The following STRN variants were observed in gnomAD, a reference collection of about 807,000 sequenced individuals.
STRN encodes the protein striatin, also known as protein phosphatase 2 regulatory subunit B'''alpha.
A neutral mutation model predicts 96.3 loss-of-function variants in STRN; 53 were observed. The ratio of observed to expected loss-of-function variants is 0.55; its 90% confidence interval spans 0.44 to 0.69. The LOEUF (loss-of-function observed/expected upper bound fraction) is 0.69, where lower values mean the gene tolerates loss of function less well. STRN is among the 30% of genes least tolerant of loss of function. The pLI is 0.00. For missense variants in STRN, 987 were observed against 963.9 expected (o/e 1.02, Z -0.32); for synonymous variants, 428 against 355.9 (o/e 1.20, Z -2.28).
At chr2:36,925,500 G>C (rs746846260) in intron 1 of STRN, among the ~76,000 whole-genome samples, 1 of 152,144 alleles carries the variant, frequency 6.6e-6, no homozygotes, top group Non-Finnish European at 1.5e-5. Context: ...AATATTGCCG[G>C]ATGCGGTGGC....
chr2:36,907,461 T>C (rs1474449955), intron 3 of STRN, among the ~76,000 whole-genome samples: 1 of 151,724 alleles, frequency 6.6e-6, no homozygotes, highest in Admixed American at 6.6e-5. Context: ...GGCAGAAGAA[T>C]CGCTTGAACC....
At chr2:36,888,608 G>A (rs938136037) in intron 7 of STRN, among the ~76,000 whole-genome samples, 1 of 150,310 alleles carries the variant, frequency 6.7e-6, no homozygotes, top group Admixed American at 6.7e-5. Flanking sequence ...GGCTTATCAT[G>A]GCCACTATAT....
At position 36,867,556 on chromosome 2, in the gene STRN, A is replaced by C. The variant is rs72872391; in HGVS notation, c.1547+258T>G. 618 of 262,764 alleles carry C rather than the reference A, an allele frequency of 2.4e-3. 2 individuals are homozygous for C. The highest frequency in any genetic ancestry group is 0.012 in the African/African-American group (566 of 45,814). 16.3% of individuals were successfully genotyped at this position (262,764 alleles called of 1,614,324 possible). ...AAAAAGCTGGAATTTCTAATATTTA[A>C]ACCTAGTTGGCTCTAGTTTAAAGAT... On this transcript the variant is annotated intron_variant, in intron 12 of 17. Transcript: ENST00000263918.
intron 2 of STRN, among the ~76,000 whole-genome samples, chr2:36,917,791 G>A (rs570670684): frequency 1.3e-5 from 2 of 152,042 alleles, no homozygotes; most frequent in South Asian, 4.1e-4. Context: ...TTACACGTAT[G>A]TATGAAATAT....
chr2:36,905,734 TGTAAG>T (rs1264315817), intron 3 of STRN, 116 bp from the exon 4 acceptor site: 2 of 834,448 alleles, frequency 2.4e-6, no homozygotes, highest in Non-Finnish European at 4.0e-6. Context: ...AAACTGCAAC[TGTAAG>T]GTATGTGTTA....
At position 36,899,619 on chromosome 2, in the gene STRN, A is replaced by T. The variant is rs772208230; in HGVS notation, c.699T>A (p.Asn233Lys). 6.1e-5 allele frequency: 98 copies of T among 1,613,488 alleles called. No individual in the cohort carries two copies. Among genetic ancestry groups the T allele is most frequent in the Non-Finnish European group, 8.0e-5 (94 of 1,179,826 alleles). The change falls in exon 6 of 18, where the codon AAT (asparagine) becomes AAA (lysine). Residue 233 changes from asparagine to lysine, a missense_variant. Coordinates refer to ENST00000263918, the MANE Select transcript of STRN (RefSeq NM_003162.4). ...CAGCTGCACTTTCAAGGAATTTGAA[A>T]TTATCCAGCACGGAGGCAGAATCTG... ...ELTDSASVLD[N>K]FKFLESAAAD...
intron 2 of STRN, 113 bp from the exon 3 acceptor site, chr2:36,916,264 C>T: frequency 1.1e-6 from 1 of 876,552 alleles, no homozygotes; most frequent in Non-Finnish European, 1.8e-6. Flanking sequence ...CTAGAACTTT[C>T]AAAGGCTCAT....
intron 6 of STRN, 32 bp downstream of exon 6, chr2:36,899,491 A>C (rs201435891): frequency 2.0e-5 from 32 of 1,588,066 alleles, no homozygotes; most frequent in Non-Finnish European, 2.6e-5. Context: ...AGTCCCTAAA[A>C]ATATTTATAT....
chr2:36,931,596 G>A (rs1275770193), intron 1 of STRN, among the ~76,000 whole-genome samples: 2 of 152,212 alleles, frequency 1.3e-5, no homozygotes, highest in African/African-American at 2.4e-5. Flanking sequence ...TGGGACTAAA[G>A]TAGTGACAAA....
At chr2:36,904,163 T>C (rs1269530688) in intron 4 of STRN, among the ~76,000 whole-genome samples, 1 of 152,246 alleles carries the variant, frequency 6.6e-6, no homozygotes, top group Non-Finnish European at 1.5e-5. Flanking sequence ...GTATAAATCA[T>C]ATTTAAGATC....
chr2:36,883,544 G>A (rs1262727205), intron 9 of STRN, among the ~76,000 whole-genome samples: 1 of 152,154 alleles, frequency 6.6e-6, no homozygotes, highest in African/African-American at 2.4e-5. Context: ...ACTTTTAGGT[G>A]ACTTTATCCC....
At chr2:36,898,306 T>C (rs1669596019) in intron 6 of STRN, among the ~76,000 whole-genome samples, 1 of 152,192 alleles carries the variant, frequency 6.6e-6, no homozygotes, top group Non-Finnish European at 1.5e-5. Context: ...AAAGTGTCAT[T>C]GAAATTTAGG....
At chr2:36,905,112 G>A (rs1225331049) in intron 4 of STRN, among the ~76,000 whole-genome samples, 2 of 151,954 alleles carry the variant, frequency 1.3e-5, no homozygotes, top group Non-Finnish European at 2.9e-5. Flanking sequence ...TGGGATTACA[G>A]GCATGTGCCA....
At chr2:36,894,230 C>T (rs371820505) in intron 6 of STRN, among the ~76,000 whole-genome samples, 197 bp from the exon 7 acceptor site, 12 of 152,084 alleles carry the variant, frequency 7.9e-5, no homozygotes, top group Admixed American at 3.3e-4. Flanking sequence ...CTTTGCTCAA[C>T]GGTATTATGG....
intron 2 of STRN, among the ~76,000 whole-genome samples, chr2:36,923,096 C>T (rs1006232345): frequency 6.7e-6 from 1 of 149,630 alleles, no homozygotes; most frequent in Non-Finnish European, 1.5e-5. Context: ...GAGCCAAGAT[C>T]GTACCACTGC....
intron 12 of STRN, chr2:36,867,305 G>T (rs1419803124): frequency 6.6e-6 from 1 of 152,090 alleles, no homozygotes; most frequent in Non-Finnish European, 1.5e-5. Context: ...CTGGCCAACA[G>T]TGTAAAACCT....
Position 36,894,017 on chromosome 2 carries a change from G to A in STRN, c.812C>T (p.Ala271Val), listed in dbSNP as rs1391278463. ...IDTSTIVRKK[A>V]LPDSGEDRDT... ...TCGATCTTCACCGCTGTCAGGCAAT[G>A]CTTTTTTCCTAACAATCTAATGAAA... Residue 271 changes from alanine to valine, a missense_variant, in exon 7 of 18, where the codon GCA becomes GTA. Ala to Val is a moderately conservative substitution (Grantham distance 64, BLOSUM62 0). Coordinates refer to ENST00000263918, the MANE Select transcript of STRN (RefSeq NM_003162.4). 1 of 1,611,586 alleles carries A rather than the reference G, an allele frequency of 6.2e-7. No individual in the cohort carries two copies. Among genetic ancestry groups the A allele is most frequent in the African/African-American group, 1.3e-5 (1 of 74,744 alleles).
intron 9 of STRN, among the ~76,000 whole-genome samples, chr2:36,879,894 C>T (rs921103724): frequency 6.6e-6 from 1 of 151,756 alleles, no homozygotes; most frequent in Non-Finnish European, 1.5e-5. Flanking sequence ...TTTTGGGATA[C>T]CAAGGTGAGA....
chr2:36,864,978 G>C (rs1668585545), intron 12 of STRN, among the ~76,000 whole-genome samples: 1 of 152,184 alleles, frequency 6.6e-6, no homozygotes, highest in Admixed American at 6.5e-5. Flanking sequence ...ACCTCCCAAA[G>C]TGCTGGGATT....
Sources: allele counts gnomAD v4.1 joint callset (sites outside exome capture counted in the v4.1 genomes callset), GRCh38; gene constraint gnomAD v4.1.1; transcripts MANE v1.5; gene names NCBI Gene and HGNC (gene_info 2026-07-23, HGNC 2026-07-21).